Variants in IMMP2L observed in about 807,000 individuals in gnomAD.
IMMP2L encodes inner mitochondrial membrane peptidase subunit 2.
IMMP2L carries 18 observed loss-of-function variants against 19.3 expected under a neutral mutation model. That is an observed-to-expected ratio of 0.93 (90% CI 0.64 to 1.38). IMMP2L has a LOEUF of 1.38. IMMP2L is among the 40% of genes most tolerant of loss of function. The pLI, the probability that IMMP2L is intolerant of heterozygous loss-of-function variation, is 0.00. For synonymous variants in IMMP2L, 76 were observed against 73.0 expected (o/e 1.04, Z -0.21); for missense variants, 233 against 218.2 (o/e 1.07, Z -0.43).
At chr7:111,216,792 G>T (rs962018309) in intron 3 of IMMP2L, among the ~76,000 whole-genome samples, 4 of 151,942 alleles carry the variant, frequency 2.6e-5, no homozygotes, top group African/African-American at 9.7e-5. Context: ...ATAATCAAAA[G>T]AATAACATTT....
At chr7:110,761,666 T>C (rs1798357455) in intron 5 of IMMP2L, among the ~76,000 whole-genome samples, 1 of 152,188 alleles carries the variant, frequency 6.6e-6, no homozygotes, top group East Asian at 1.9e-4. Flanking sequence ...TTGACATGTA[T>C]TGTCTAATGT....
At chr7:110,994,046 T>G (rs1293177956) in intron 3 of IMMP2L, among the ~76,000 whole-genome samples, 9 of 152,108 alleles carry the variant, frequency 5.9e-5, no homozygotes, top group African/African-American at 2.2e-4. Flanking sequence ...TCCCTCTCTG[T>G]GCCATCTCTA....
intron 3 of IMMP2L, among the ~76,000 whole-genome samples, chr7:111,344,329 G>T (rs993590707): frequency 2.0e-5 from 3 of 152,048 alleles, no homozygotes; most frequent in African/African-American, 7.2e-5. Flanking sequence ...GTTCATTCTG[G>T]CTAGCACATT....
chr7:111,539,764 G>T (rs1447100270), intron 1 of IMMP2L, among the ~76,000 whole-genome samples: 1 of 152,006 alleles, frequency 6.6e-6, no homozygotes, highest in Non-Finnish European at 1.5e-5. Flanking sequence ...AGTGGATTGA[G>T]GTTTGCACTA....
At chr7:110,948,670 T>C (rs544189747) in intron 4 of IMMP2L, among the ~76,000 whole-genome samples, 39 of 152,318 alleles carry the variant, frequency 2.6e-4, no homozygotes, top group African/African-American at 9.4e-4. Context: ...TGCAGTGTTC[T>C]TGTAGTATAA....
At chr7:111,440,079 T>C (rs1837570859) in intron 3 of IMMP2L, among the ~76,000 whole-genome samples, 1 of 151,954 alleles carries the variant, frequency 6.6e-6, no homozygotes, top group African/African-American at 2.4e-5. Flanking sequence ...ACTGTTTTAC[T>C]GTTTCCACCA....
chr7:111,187,688 T>C (rs931574104), intron 3 of IMMP2L, among the ~76,000 whole-genome samples: 1 of 152,134 alleles, frequency 6.6e-6, no homozygotes, highest in African/African-American at 2.4e-5. Context: ...AAGGAGCTTA[T>C]CAGGTGGCAG....
At chr7:111,281,164 A>C (rs191923182) in intron 3 of IMMP2L, among the ~76,000 whole-genome samples, 1,386 of 22,376 alleles carry the variant, frequency 0.062, 18 homozygotes, top group Middle Eastern at 0.14. Flanking sequence ...GACAGAAAGA[A>C]AGAAAGAAAG....
At chr7:111,005,558 G>A (rs991423543) in intron 3 of IMMP2L, among the ~76,000 whole-genome samples, 1 of 152,128 alleles carries the variant, frequency 6.6e-6, no homozygotes, top group African/African-American at 2.4e-5. Context: ...CATGCAATCA[G>A]AATTTGCATC....
intron 5 of IMMP2L, among the ~76,000 whole-genome samples, chr7:110,883,582 G>A (rs1335921666): frequency 1.3e-5 from 2 of 152,024 alleles, no homozygotes; most frequent in African/African-American, 4.8e-5. Context: ...CATATTCCCT[G>A]CATACAAATT....
intron 1 of IMMP2L, among the ~76,000 whole-genome samples, chr7:111,539,186 AGGAAGGAGGG>A (rs1563330386): frequency 7.3e-5 from 5 of 68,418 alleles, no homozygotes; most frequent in African/African-American, 2.9e-4. Flanking sequence ...GAAGGAAGGA[AGGAAGGAGGG>A]AGAAAGAAAG....
chr7:110,666,188 T>G (rs559926528), intron 5 of IMMP2L, among the ~76,000 whole-genome samples: 1 of 152,344 alleles, frequency 6.6e-6, no homozygotes, highest in South Asian at 2.1e-4. Context: ...TTGGCACTAT[T>G]AGTTGTTACA....
intron 3 of IMMP2L, among the ~76,000 whole-genome samples, chr7:111,324,570 T>C (rs1425577653): frequency 6.6e-6 from 1 of 151,850 alleles, no homozygotes; most frequent in Admixed American, 6.6e-5. Flanking sequence ...AACCAGTAAA[T>C]ATTTTTAACA....
At chr7:111,357,087 C>T (rs966807764) in intron 3 of IMMP2L, among the ~76,000 whole-genome samples, 1 of 152,132 alleles carries the variant, frequency 6.6e-6, no homozygotes, top group Non-Finnish European at 1.5e-5. Context: ...TTATAAACTA[C>T]AAACTCATCT....
At position 111,203,435 on chromosome 7, in the gene IMMP2L, TAC is replaced by T. The variant is rs925690708; in HGVS notation, c.240-239872_240-239871del. On this transcript the variant is annotated intron_variant, in intron 3 of 5. Transcript: ENST00000405709. Reference sequence around the variant, plus strand: ...TTGAAGAAAATGAAGGCAAGATAGATACAGATTATTGGGGAAGGTGTTACTTT... The same window carrying T: ...TTGAAGAAAATGAAGGCAAGATAGATAGATTATTGGGGAAGGTGTTACTTT... 7.2e-5 allele frequency among the ~76,000 whole-genome samples: 11 copies of T among 152,024 alleles called. No individual in the cohort carries two copies. In the East Asian group the frequency reaches 2.1e-3, roughly 29 times the overall value.
intron 3 of IMMP2L, among the ~76,000 whole-genome samples, chr7:111,419,687 T>C (rs1461742154): frequency 6.6e-6 from 1 of 151,650 alleles, no homozygotes; most frequent in Admixed American, 6.6e-5. Flanking sequence ...CTAAAATGCA[T>C]GAAACCAAAC....
intron 3 of IMMP2L, among the ~76,000 whole-genome samples, chr7:111,293,993 A>C (rs187883394): frequency 6.6e-6 from 1 of 152,058 alleles, no homozygotes; most frequent in East Asian, 1.9e-4. Flanking sequence ...AAAGACCATA[A>C]ATAGTAAAAC....
chr7:111,124,550 T>C, intron 3 of IMMP2L: 3 of 1,613,680 alleles, frequency 1.9e-6, no homozygotes, highest in Non-Finnish European at 2.5e-6. Context: ...AAAATTTGTA[T>C]TGATATTCCC....
At chr7:110,909,682 C>A (rs1408224664) in intron 4 of IMMP2L, among the ~76,000 whole-genome samples, 1 of 152,158 alleles carries the variant, frequency 6.6e-6, no homozygotes, top group Non-Finnish European at 1.5e-5. Context: ...CACTTTCAGG[C>A]CCTCTTGAGT....
Sources: gnomAD v4.1 joint callset for allele counts (sites outside exome capture counted in the v4.1 genomes callset) on GRCh38, gnomAD v4.1.1 for gene constraint, MANE v1.5 for transcripts, NCBI Gene and HGNC (gene_info 2026-07-23, HGNC 2026-07-21) for gene names.